HMGCLL1: variants seen among roughly 807,000 people sequenced by gnomAD.
HMGCLL1 encodes 3-hydroxy-3-methylglutaryl-CoA lyase like 1.
Under a neutral mutation model 39.1 loss-of-function variants are expected in HMGCLL1, and 36 were observed. That is an observed-to-expected ratio of 0.92 (90% CI 0.71 to 1.22). The LOEUF (loss-of-function observed/expected upper bound fraction) is 1.22. HMGCLL1 is among the 50% of genes most tolerant of loss of function. The pLI is 0.00. For missense variants in HMGCLL1, 451 were observed against 416.5 expected, an observed-to-expected ratio of 1.08 and a Z score of -0.72; for synonymous variants, 149 against 144.0, an observed-to-expected ratio of 1.03 and a Z score of -0.25.
chr6:55,670,259 C>T, the HMGCLL1 span, among the ~76,000 whole-genome samples: 1 of 151,664 alleles, frequency 6.6e-6, no homozygotes, highest in Non-Finnish European at 1.5e-5. Flanking sequence ...AAAAAATATC[C>T]TTCCATAATG....
chr6:55,438,616 G>A (rs1479782995), intron 8 of HMGCLL1, among the ~76,000 whole-genome samples: 3 of 152,060 alleles, frequency 2.0e-5, no homozygotes, highest in Non-Finnish European at 4.4e-5. Flanking sequence ...TGAGCAAGGA[G>A]TAGAAGTGAG....
At chr6:55,659,924 G>A in the HMGCLL1 span, among the ~76,000 whole-genome samples, 1 of 151,646 alleles carries the variant, frequency 6.6e-6, no homozygotes, top group Non-Finnish European at 1.5e-5. Context: ...CTGAATACAT[G>A]TCAGAAAACT....
At chr6:55,577,022 C>G in intron 1 of HMGCLL1, 3 of 1,600,456 alleles carry the variant, frequency 1.9e-6, no homozygotes, top group Non-Finnish European at 2.6e-6. Context: ...TGTAGATTGT[C>G]ACTCAAACTC....
chr6:55,618,201 G>T, the HMGCLL1 span, among the ~76,000 whole-genome samples: 1 of 152,060 alleles, frequency 6.6e-6, no homozygotes. Flanking sequence ...TACTGGAAAC[G>T]TCTGGGGTCT....
intron 6 of HMGCLL1, among the ~76,000 whole-genome samples, chr6:55,497,528 C>T (rs561860553): frequency 1.8e-4 from 27 of 152,128 alleles, no homozygotes; most frequent in African/African-American, 6.3e-4. Flanking sequence ...TGACATGGCT[C>T]ATGTTATTAC....
At chr6:55,586,479 C>A in the HMGCLL1 span, among the ~76,000 whole-genome samples, 1 of 151,604 alleles carries the variant, frequency 6.6e-6, no homozygotes, top group South Asian at 2.1e-4. Flanking sequence ...TGTGCCATGT[C>A]GGTGTGCTGC....
At chr6:55,583,806 G>C (rs1438032371), upstream of HMGCLL1, among the ~76,000 whole-genome samples, 1 of 152,056 alleles carries the variant, frequency 6.6e-6, no homozygotes, top group East Asian at 1.9e-4. Flanking sequence ...TTAATTTGGT[G>C]GTGCTGAGAT....
chr6:55,602,823 T>C, the HMGCLL1 span, among the ~76,000 whole-genome samples: 3 of 152,120 alleles, frequency 2.0e-5, no homozygotes, highest in Non-Finnish European at 2.9e-5. Flanking sequence ...TCTATACATA[T>C]AAAAGTTGAG....
chr6:55,452,698 T>C (rs1053975928), intron 7 of HMGCLL1, among the ~76,000 whole-genome samples: 4 of 152,224 alleles, frequency 2.6e-5, no homozygotes, highest in African/African-American at 9.6e-5. Context: ...ATCTCTGTTC[T>C]TGACTTGTGT....
intron 3 of HMGCLL1, among the ~76,000 whole-genome samples, chr6:55,530,838 A>G (rs2127448159): frequency 6.6e-6 from 1 of 152,302 alleles, no homozygotes; most frequent in Admixed American, 6.5e-5. Context: ...AAAATTAGAA[A>G]AATCACTTTA....
In HMGCLL1 at chr6:55,499,152, T is replaced by G. The variant is rs1159498558; in HGVS notation, c.606+84A>C. 2.1e-5 allele frequency: 23 copies of G among 1,074,484 alleles called. No individual in the cohort carries two copies. The East Asian group carries it at 5.3e-4, about 25-fold the overall frequency. The allele number at this position is 1,074,484 out of a possible 1,614,324, so 66.6% of individuals were successfully genotyped here. ...AATCCATGGCTTCATGCTATGCAGA[T>G]TCAATAAATATTAAGAAAGCCCCCT... On this transcript the variant is annotated intron_variant, in intron 6 of 8. Coordinates refer to ENST00000274901, the MANE Select transcript of HMGCLL1 (RefSeq NM_001042406.2).
At chr6:55,549,781 T>C (rs1445626410) in intron 1 of HMGCLL1, among the ~76,000 whole-genome samples, 5 of 152,072 alleles carry the variant, frequency 3.3e-5, no homozygotes, top group African/African-American at 7.3e-5. Context: ...TTTTTTGTTA[T>C]GCCATATTGA....
At chr6:55,585,013 T>C in the HMGCLL1 span, among the ~76,000 whole-genome samples, 1 of 152,008 alleles carries the variant, frequency 6.6e-6, no homozygotes, top group Admixed American at 6.6e-5. Flanking sequence ...AGATAACTTC[T>C]CACATATGTT....
chr6:55,519,832 A>G (rs908213190), intron 3 of HMGCLL1, among the ~76,000 whole-genome samples: 2 of 152,142 alleles, frequency 1.3e-5, no homozygotes, highest in Admixed American at 6.6e-5. Context: ...ATAAAACGGA[A>G]TAATGGGCAA....
At chr6:55,577,501 T>A (rs1288834957) in intron 1 of HMGCLL1, among the ~76,000 whole-genome samples, 1 of 152,188 alleles carries the variant, frequency 6.6e-6, no homozygotes, top group Non-Finnish European at 1.5e-5. Context: ...TGCCCCAGAA[T>A]TTTATTTCTC....
the HMGCLL1 span, among the ~76,000 whole-genome samples, chr6:55,635,080 G>T: frequency 6.6e-6 from 1 of 151,820 alleles, no homozygotes; most frequent in African/African-American, 2.4e-5. Context: ...GAACTATATT[G>T]TCTGGACAGA....
At chr6:55,525,068 A>G (rs1768246389) in intron 3 of HMGCLL1, among the ~76,000 whole-genome samples, 1 of 151,830 alleles carries the variant, frequency 6.6e-6, no homozygotes, top group African/African-American at 2.4e-5. Flanking sequence ...GCTCTTCCTG[A>G]CCCCAGCAAC....
the HMGCLL1 span, among the ~76,000 whole-genome samples, chr6:55,618,464 G>A: frequency 3.0e-3 from 463 of 152,014 alleles, 2 homozygotes; most frequent in Admixed American, 8.1e-3. Flanking sequence ...ATTTGGATAT[G>A]AATAATAAAC....
the HMGCLL1 span, among the ~76,000 whole-genome samples, chr6:55,667,372 G>T: frequency 2.6e-5 from 4 of 151,576 alleles, no homozygotes. Flanking sequence ...TATGTACCAG[G>T]GTTTACATTT....
Sources: allele counts gnomAD v4.1 joint callset (sites outside exome capture counted in the v4.1 genomes callset), GRCh38; gene constraint gnomAD v4.1.1; transcripts MANE v1.5; gene names NCBI Gene and HGNC (gene_info 2026-07-23, HGNC 2026-07-21).